Variants in SETBP1 observed in about 807,000 individuals in gnomAD.
The protein encoded by SETBP1 is SET-binding protein.
SETBP1 carries 9 observed loss-of-function variants against 101.0 expected under a neutral mutation model. The observed-to-expected ratio is 0.09, with a 90% CI of 0.05 to 0.16. SETBP1 has a LOEUF of 0.16. Among genes scored for constraint, SETBP1 ranks in the 10% least tolerant of loss-of-function variants. SETBP1 has a pLI of 1.00. For synonymous variants in SETBP1, 818 were observed against 788.5 expected, an observed-to-expected ratio of 1.04 and a Z score of -0.63; for missense variants, 1,858 against 2,033.8, an observed-to-expected ratio of 0.91 and a Z score of 1.66.
intron 1 of SETBP1, among the ~76,000 whole-genome samples, chr18:44,690,621 C>T (rs1036007717): frequency 6.6e-6 from 1 of 152,206 alleles, no homozygotes; most frequent in Non-Finnish European, 1.5e-5. Context: ...AGACTGGTGG[C>T]TCTATGGTTC....
chr18:44,684,650 T>C (rs2068808539), intron 1 of SETBP1, among the ~76,000 whole-genome samples: 1 of 150,356 alleles, frequency 6.7e-6, no homozygotes, highest in Non-Finnish European at 1.5e-5. Flanking sequence ...AAATAATTAA[T>C]TAATTAATTT....
chr18:44,799,331 A>G (rs1024247978), intron 2 of SETBP1, among the ~76,000 whole-genome samples: 31 of 151,804 alleles, frequency 2.0e-4, no homozygotes, highest in African/African-American at 2.4e-5. Context: ...TGCATGCCCC[A>G]CCTAAACTTG....
At chr18:45,009,774 C>G (rs1297877177) in intron 4 of SETBP1, among the ~76,000 whole-genome samples, 1 of 152,098 alleles carries the variant, frequency 6.6e-6, no homozygotes, top group South Asian at 2.1e-4. Flanking sequence ...CAGAGAGTGA[C>G]CTGCATTGTT....
intron 4 of SETBP1, among the ~76,000 whole-genome samples, chr18:45,004,556 A>G (rs67797786): frequency 0.053 from 8,040 of 152,236 alleles, 247 homozygotes; most frequent in South Asian, 0.11. Context: ...AATGTGGGTA[A>G]CTCTTCAGGT....
chr18:44,689,029 G>A (rs189898501), intron 1 of SETBP1, among the ~76,000 whole-genome samples: 1 of 152,312 alleles, frequency 6.6e-6, no homozygotes, highest in African/African-American at 2.4e-5. Context: ...GAAATGGAAA[G>A]CATTCTTCTG....
chr18:44,784,071 T>C (rs566110580), intron 2 of SETBP1, among the ~76,000 whole-genome samples: 1 of 152,310 alleles, frequency 6.6e-6, no homozygotes, highest in African/African-American at 2.4e-5. Context: ...TGTCTTCCGA[T>C]CTGGAAGATG....
At chr18:44,967,363 T>G (rs1429252520) in intron 4 of SETBP1, among the ~76,000 whole-genome samples, 2 of 152,212 alleles carry the variant, frequency 1.3e-5, no homozygotes, top group African/African-American at 4.8e-5. Context: ...GTAGCACTTG[T>G]TTTGTAGACC....
intron 2 of SETBP1, among the ~76,000 whole-genome samples, chr18:44,744,601 G>T (rs1448398920): frequency 6.6e-6 from 1 of 152,178 alleles, no homozygotes; most frequent in Non-Finnish European, 1.5e-5. Flanking sequence ...CCTGGCTGGC[G>T]AATGTCGCGC....
intron 4 of SETBP1, among the ~76,000 whole-genome samples, chr18:44,995,976 A>T (rs993329011): frequency 6.6e-6 from 1 of 152,212 alleles, no homozygotes; most frequent in African/African-American, 2.4e-5. Context: ...TTACCAAATG[A>T]TTTGAACTGA....
chr18:44,821,208 T>C (rs2072108298), intron 2 of SETBP1, among the ~76,000 whole-genome samples: 2 of 152,200 alleles, frequency 1.3e-5, no homozygotes, highest in South Asian at 4.1e-4. Flanking sequence ...CGTTAACTCC[T>C]TCTCTGCCCA....
At chr18:44,778,498 C>A (rs1279585946) in intron 2 of SETBP1, among the ~76,000 whole-genome samples, 1 of 152,186 alleles carries the variant, frequency 6.6e-6, no homozygotes, top group Admixed American at 6.5e-5. Flanking sequence ...TGATTTTTAT[C>A]ATCTGATTTT....
intron 3 of SETBP1, among the ~76,000 whole-genome samples, chr18:44,927,438 C>T (rs1255515468): frequency 6.6e-6 from 1 of 152,158 alleles, no homozygotes; most frequent in Non-Finnish European, 1.5e-5. Context: ...AAGAAATATA[C>T]AATGTCTAGC....
In SETBP1 at chr18:45,001,297, T is replaced by TA. The variant is rs1344041104; in HGVS notation, c.4001-37188_4001-37187insA. 3.9e-5 allele frequency among the ~76,000 whole-genome samples: 6 copies of TA among 152,168 alleles called. No homozygotes were observed. In the South Asian group the frequency reaches 1.2e-3, roughly 32 times the overall value. ...AATGAGGGCAATATTAACTCCTACT[T>TA]TATTGAGTATTGTAAGGATTAAATT... On this transcript the variant is annotated intron_variant, in intron 4 of 5. Transcript: ENST00000649279.
At chr18:44,955,471 C>A (rs1463007163) in intron 4 of SETBP1, among the ~76,000 whole-genome samples, 2 of 152,194 alleles carry the variant, frequency 1.3e-5, no homozygotes, top group Non-Finnish European at 2.9e-5. Context: ...CCATCTGTAA[C>A]TCATGGGGTT....
intron 4 of SETBP1, among the ~76,000 whole-genome samples, chr18:44,992,031 A>G (rs758186164): frequency 2.0e-5 from 3 of 152,162 alleles, no homozygotes; most frequent in Non-Finnish European, 4.4e-5. Flanking sequence ...TATTTAATTC[A>G]TGGGTCAAAA....
At chr18:44,721,988 C>T (rs112745090) in intron 2 of SETBP1, among the ~76,000 whole-genome samples, 1,948 of 149,310 alleles carry the variant, frequency 0.013, no homozygotes, top group African/African-American at 0.047. Flanking sequence ...ACTTGTTTGC[C>T]AACTAGAGGG....
chr18:44,998,823 A>G (rs2072555575), intron 4 of SETBP1, among the ~76,000 whole-genome samples: 1 of 152,190 alleles, frequency 6.6e-6, no homozygotes, highest in South Asian at 2.1e-4. Context: ...TTTTATGAGA[A>G]ACAGTTCTAA....
chr18:44,872,474 A>G (rs2069299299), intron 3 of SETBP1, among the ~76,000 whole-genome samples: 1 of 152,134 alleles, frequency 6.6e-6, no homozygotes, highest in Non-Finnish European at 1.5e-5. Context: ...AACACTGGAA[A>G]ATCCAGCAGC....
chr18:44,752,021 A>G (rs1363047193), intron 2 of SETBP1, among the ~76,000 whole-genome samples: 1 of 152,108 alleles, frequency 6.6e-6, no homozygotes, highest in African/African-American at 2.4e-5. Flanking sequence ...CACCTTGACT[A>G]CCTCTCAAAG....
Sources: allele counts gnomAD v4.1 joint callset (sites outside exome capture counted in the v4.1 genomes callset), GRCh38; gene constraint gnomAD v4.1.1; transcripts MANE v1.5; gene names NCBI Gene and HGNC (gene_info 2026-07-23, HGNC 2026-07-21).